The following TXNDC5 variants were observed in gnomAD, a reference collection of about 807,000 sequenced individuals.
The protein encoded by TXNDC5 is thioredoxin domain containing 5, also known as thioredoxin domain-containing protein 5.
A neutral mutation model predicts 52.6 loss-of-function variants in TXNDC5; 44 were observed. That is an observed-to-expected ratio of 0.84 (90% CI 0.66 to 1.08). The LOEUF (loss-of-function observed/expected upper bound fraction) is 1.08, where lower values mean the gene tolerates loss of function less well. Ranked by LOEUF, TXNDC5 falls within the 50% of genes least tolerant of loss-of-function variation. TXNDC5 has a pLI of 0.00. For synonymous variants in TXNDC5, 241 were observed against 234.4 expected, an observed-to-expected ratio of 1.03 and a Z score of -0.26; for missense variants, 600 against 565.5, an observed-to-expected ratio of 1.06 and a Z score of -0.62.
Position 7,891,709 on chromosome 6 carries a change from G to A in TXNDC5, c.644C>T (p.Pro215Leu), listed in dbSNP as rs755607324. The A allele has an allele frequency of 3.2e-5, 52 of 1,613,650 alleles. No homozygotes were observed. The highest frequency in any genetic ancestry group is 1.3e-4 in the Admixed American group (8 of 59,980). ...QGDHFIKFFA[P>L]WCGHCKALAP... Reference sequence around the variant, plus strand: ...CAGGGCTTTGCAGTGACCACACCACGGAGCGAAGAACTTGATAAAGTGGTC... The same window carrying A: ...CAGGGCTTTGCAGTGACCACACCACAGAGCGAAGAACTTGATAAAGTGGTC... The change falls in exon 5 of 10, where the codon CCG becomes CTG. Residue 215 changes from proline to leucine, a missense_variant. By Grantham distance (98) the Pro-to-Leu change is moderately conservative. Coordinates refer to ENST00000379757, the MANE Select transcript of TXNDC5 (RefSeq NM_030810.5).
In TXNDC5 at chr6:7,910,362, G is replaced by C. The variant is rs1360255277; in HGVS notation, c.263+152C>G. The C allele has an allele frequency of 1.3e-5, 13 of 969,606 alleles. No individual in the cohort carries two copies. The African/African-American group carries it at 2.3e-4, about 17-fold the overall frequency. 60.1% of individuals were successfully genotyped at this position (969,606 alleles called of 1,614,324 possible). ...CCCCAGTATTACACCCCGCACCCCT[G>C]AGCCCCGAGCCCCGCGCCCGTAGCA... On this transcript the variant is annotated intron_variant, in intron 1 of 9. Coordinates refer to ENST00000379757, the MANE Select transcript of TXNDC5 (RefSeq NM_030810.5).
chr6:7,889,043 C>T (rs991056384), intron 6 of TXNDC5, 195 bp from the exon 7 acceptor site: 2 of 638,772 alleles, frequency 3.1e-6, no homozygotes, highest in East Asian at 6.2e-5. Flanking sequence ...GAGAACTGTA[C>T]AGGCCCCTCT....
At chr6:7,884,608 T>C (rs1759895605) in intron 8 of TXNDC5, 120 bp from the exon 9 acceptor site, 1 of 1,404,326 alleles carries the variant, frequency 7.1e-7, no homozygotes, top group South Asian at 1.3e-5. Context: ...GCCTAGAAAT[T>C]TGTAAAATAC....
At chr6:7,899,214 A>C (rs958888714) in intron 3 of TXNDC5, among the ~76,000 whole-genome samples, 4 of 152,218 alleles carry the variant, frequency 2.6e-5, no homozygotes, top group African/African-American at 7.2e-5. Flanking sequence ...GGCAGTGTTA[A>C]CAAAGAGTAA....
chr6:7,894,996 G>A lies in TXNDC5; in HGVS notation c.616+110C>T, dbSNP rs1227541495. The A allele has an allele frequency of 2.7e-6, 4 of 1,469,324 alleles. No individual in the cohort carries two copies. The African/African-American group carries it at 5.6e-5, about 21-fold the overall frequency. 91.0% of individuals were successfully genotyped at this position (1,469,324 alleles called of 1,614,324 possible). A position where few individuals can be genotyped will look rare whatever the true frequency, so the allele number is the denominator to read the frequency against. On this transcript the variant is annotated intron_variant, in intron 4 of 9. Transcript: ENST00000379757. ...GCTCCTCTAGAGTGACCCTTTGTCA[G>A]TGCCACTGATGCTGCTATCTAAGAG...
intron 7 of TXNDC5, 47 bp from the exon 8 acceptor site, chr6:7,886,090 G>A: frequency 6.4e-7 from 1 of 1,552,590 alleles, no homozygotes; most frequent in Non-Finnish European, 8.8e-7. Context: ...CCTTAAAGTT[G>A]AGCAGGGCCA....
chr6:7,891,955 A>T (rs2113337250), intron 4 of TXNDC5, among the ~76,000 whole-genome samples: 1 of 152,364 alleles, frequency 6.6e-6, no homozygotes, highest in Non-Finnish European at 1.5e-5. Context: ...TTGATGGACA[A>T]TCAGCAATCA....
intron 2 of TXNDC5, chr6:7,900,014 C>T (rs1338992253): frequency 7.4e-6 from 1 of 135,716 alleles, no homozygotes; most frequent in Non-Finnish European, 1.4e-5. Flanking sequence ...TACTGTTATG[C>T]TTTCCCGGCT....
chr6:7,893,420 C>T (rs887488203), intron 4 of TXNDC5, among the ~76,000 whole-genome samples: 1 of 152,260 alleles, frequency 6.6e-6, no homozygotes, highest in Non-Finnish European at 1.5e-5. Flanking sequence ...TGGAGACAGG[C>T]TCTCTGGGAA....
intron 3 of TXNDC5, among the ~76,000 whole-genome samples, chr6:7,898,435 T>C (rs1264257263): frequency 1.3e-5 from 2 of 152,104 alleles, no homozygotes; most frequent in Non-Finnish European, 2.9e-5. Flanking sequence ...TCAGAGAAGA[T>C]GGGGCAGAGC....
At chr6:7,910,417 C>T (rs1238087427) in intron 1 of TXNDC5, 97 bp downstream of exon 1, 24 of 1,215,204 alleles carry the variant, frequency 2.0e-5, no homozygotes, top group Non-Finnish European at 2.4e-5. Context: ...CCGTCGGCGT[C>T]CACGTGGCCC....
At chr6:7,901,627 C>T (rs932305656) in intron 2 of TXNDC5, among the ~76,000 whole-genome samples, 1 of 152,186 alleles carries the variant, frequency 6.6e-6, no homozygotes, top group African/African-American at 2.4e-5. Flanking sequence ...GAGTTTGGGA[C>T]ATCTGACTTC....
At chr6:7,889,671 A>G (rs1417828863) in intron 5 of TXNDC5, 90 bp from the exon 6 acceptor site, 17 of 997,668 alleles carry the variant, frequency 1.7e-5, no homozygotes, top group Non-Finnish European at 2.4e-5. Context: ...CGTTACAAAT[A>G]TTCTTTTCAA....
chr6:7,889,367 A>C, intron 6 of TXNDC5, 128 bp downstream of exon 6: 1 of 726,318 alleles, frequency 1.4e-6, no homozygotes. Context: ...TTCATTATAC[A>C]CATTTCTCCA....
At chr6:7,906,027 C>T (rs1194509196) in intron 1 of TXNDC5, among the ~76,000 whole-genome samples, 1 of 152,074 alleles carries the variant, frequency 6.6e-6, no homozygotes, top group Non-Finnish European at 1.5e-5. Context: ...GCTGCTTGAG[C>T]CCAGGGGTTC....
Position 7,886,060 on chromosome 6 carries a change from A to G in TXNDC5, c.964-17T>C. ...CACAGTGCCCTTCAAGGGAGGAAAA[A>G]GCCACAGTTCAAGTACATCCCTTAA... is the stretch of plus-strand genomic sequence containing the variant. On this transcript the variant is annotated splice_polypyrimidine_tract_variant and intron_variant, in intron 7 of 9. Transcript: ENST00000379757. 1 of 1,612,428 alleles carries G rather than the reference A, an allele frequency of 6.2e-7. No individual in the cohort carries two copies. The highest frequency in any genetic ancestry group is 2.2e-5 in the East Asian group (1 of 44,836).
chr6:7,896,608 G>A (rs975690612), intron 3 of TXNDC5, among the ~76,000 whole-genome samples: 5 of 152,188 alleles, frequency 3.3e-5, no homozygotes, highest in African/African-American at 9.7e-5. Flanking sequence ...CTGCCAGCGC[G>A]TCAAGACTTT....
In TXNDC5 at chr6:7,881,947, T is replaced by A. The variant is rs554220181; in HGVS notation, c.*1197A>T. 1 of 152,614 alleles carries A rather than the reference T, an allele frequency of 6.6e-6. No individual in the cohort carries two copies. The highest frequency in any genetic ancestry group is 2.4e-5 in the African/African-American group (1 of 41,430). 9.5% of individuals were successfully genotyped at this position (152,614 alleles called of 1,614,324 possible). On this transcript the variant is annotated 3_prime_UTR_variant, in exon 10 of 10. Coordinates refer to ENST00000379757, the MANE Select transcript of TXNDC5 (RefSeq NM_030810.5). ...ATCTATCTTAGAGCTTAAGCCTGTA[T>A]GTGCTTATTCCCAAGGGAGATAGAG...
chr6:7,884,759 T>C (rs1213306276), intron 8 of TXNDC5, among the ~76,000 whole-genome samples: 1 of 152,224 alleles, frequency 6.6e-6, no homozygotes, highest in East Asian at 1.9e-4. Context: ...TGAGACCATT[T>C]CCATGCCATG....
Sources: gnomAD v4.1 joint callset for allele counts (sites outside exome capture counted in the v4.1 genomes callset) on GRCh38, gnomAD v4.1.1 for gene constraint, MANE v1.5 for transcripts, NCBI Gene and HGNC (gene_info 2026-07-23, HGNC 2026-07-21) for gene names.